Variants in CAPRIN1 observed in about 807,000 individuals in gnomAD.
The protein encoded by CAPRIN1 is caprin-1.
CAPRIN1 carries 29 observed loss-of-function variants against 100.9 expected under a neutral mutation model. The ratio of observed to expected loss-of-function variants is 0.29; its 90% CI spans 0.21 to 0.39. The LOEUF (loss-of-function observed/expected upper bound fraction) is 0.39, where lower values mean the gene tolerates loss of function less well. Among genes scored for constraint, CAPRIN1 ranks in the 10% least tolerant of loss-of-function variants. The pLI, the probability that CAPRIN1 is intolerant of heterozygous loss-of-function variation, is 1.00. For missense variants in CAPRIN1, 795 were observed against 876.7 expected, an observed-to-expected ratio of 0.91 and a Z score of 1.18; for synonymous variants, 338 against 307.5, an observed-to-expected ratio of 1.10 and a Z score of -1.04.
At chr11:34,076,891 C>T (rs1285638885) in intron 6 of CAPRIN1, among the ~76,000 whole-genome samples, 3 of 152,050 alleles carry the variant, frequency 2.0e-5, no homozygotes, top group Non-Finnish European at 2.9e-5. Context: ...TGCGCCACCA[C>T]GCCTGGCTAT....
At chr11:34,062,491 G>C (rs1019183124) in intron 2 of CAPRIN1, among the ~76,000 whole-genome samples, 1 of 152,060 alleles carries the variant, frequency 6.6e-6, no homozygotes, top group African/African-American at 2.4e-5. Context: ...CGGGCGTGGT[G>C]GTGGGCGCCT....
chr11:34,067,802 A>G (rs1257695644), intron 2 of CAPRIN1, among the ~76,000 whole-genome samples: 4 of 152,124 alleles, frequency 2.6e-5, no homozygotes, highest in Non-Finnish European at 5.9e-5. Context: ...CCTGGCCATA[A>G]TGTGTAGATC....
Position 34,089,430 on chromosome 11 carries a change from G to C in CAPRIN1, c.1267G>C (p.Val423Leu). 1 of 1,606,670 alleles carries C rather than the reference G, an allele frequency of 6.2e-7. No individual in the cohort carries two copies. Among genetic ancestry groups the C allele is most frequent in the Non-Finnish European group, 8.5e-7 (1 of 1,174,964 alleles). Residue 423 changes from valine (V) to leucine (L), a missense_variant, in exon 12 of 19, where the codon GTT (valine) becomes CTT (leucine). Physicochemically the swap from Val to Leu is conservative, Grantham distance 32. Coordinates refer to ENST00000341394, the MANE Select transcript of CAPRIN1 (RefSeq NM_005898.5). ...ATCTAGACTTGCTCAGCCTAATCAAGTTCCTGTACAACCAGAAGCGACACA... is the reference window on the plus strand; with the variant it reads ...ATCTAGACTTGCTCAGCCTAATCAACTTCCTGTACAACCAGAAGCGACACA... ...SESRLAQPNQ[V>L]PVQPEATQVP...
At chr11:34,072,567 C>A (rs748194864) in intron 4 of CAPRIN1, among the ~76,000 whole-genome samples, 1 of 152,142 alleles carries the variant, frequency 6.6e-6, no homozygotes, top group Non-Finnish European at 1.5e-5. Context: ...TAATTATTCT[C>A]TGCTTTAGGA....
chr11:34,079,905 G>GTTTTTTTTTTTTTTTT (rs377455073), intron 7 of CAPRIN1, 140 bp downstream of exon 7: 1 of 316,642 alleles, frequency 3.2e-6, no homozygotes, highest in African/African-American at 2.9e-5. Context: ...GCATGACAAA[G>GTTTTTTTTTTTTTTTT]TTTTTTTTTT....
intron 4 of CAPRIN1, among the ~76,000 whole-genome samples, chr11:34,075,013 C>T (rs556955538): frequency 6.6e-6 from 1 of 152,080 alleles, no homozygotes; most frequent in South Asian, 2.1e-4. Context: ...ATAGACCTTG[C>T]CTCAAAAAAC....
chr11:34,076,137 C>T, intron 4 of CAPRIN1, 99 bp from the exon 5 acceptor site: 2 of 745,278 alleles, frequency 2.7e-6, no homozygotes, highest in Admixed American at 2.5e-5. Flanking sequence ...ATATCTCACT[C>T]ATTGAGTAAA....
chr11:34,092,944 C>A (rs1015696440), intron 15 of CAPRIN1, among the ~76,000 whole-genome samples: 3 of 151,994 alleles, frequency 2.0e-5, no homozygotes, highest in African/African-American at 7.2e-5. Context: ...CCTCAAACTC[C>A]TGGGCTCAAT....
At chr11:34,053,588 C>T (rs923944149) in intron 2 of CAPRIN1, 5 of 138,216 alleles carry the variant, frequency 3.6e-5, no homozygotes, top group Non-Finnish European at 6.1e-5. Flanking sequence ...CCTCCTTAGG[C>T]CCCCCTCTAA....
chr11:34,054,333 T>C (rs1327430392), intron 2 of CAPRIN1, among the ~76,000 whole-genome samples: 3 of 152,204 alleles, frequency 2.0e-5, no homozygotes, highest in Non-Finnish European at 4.4e-5. Flanking sequence ...AAGTGTAAGG[T>C]AGCTACATTC....
intron 2 of CAPRIN1, chr11:34,052,843 C>T (rs1850356680): frequency 1.4e-6 from 2 of 1,437,452 alleles, no homozygotes; most frequent in South Asian, 1.5e-5. Flanking sequence ...CACTTGTCAC[C>T]TGACTCGGAC....
At chr11:34,081,828 G>T (rs777434848) in intron 7 of CAPRIN1, among the ~76,000 whole-genome samples, 7 of 148,240 alleles carry the variant, frequency 4.7e-5, no homozygotes, top group Non-Finnish European at 1.1e-4. Context: ...TGGGGGACAG[G>T]GGGCACTGAG....
In CAPRIN1 at chr11:34,069,907, TAAAA is replaced by T. The variant is rs59107049; in HGVS notation, c.217-1804_217-1801del. On this transcript the variant is annotated intron_variant, in intron 2 of 18. Coordinates refer to ENST00000341394, the MANE Select transcript of CAPRIN1 (RefSeq NM_005898.5). ...TACAAAGAAAATAGATCATTTGACCTAAAAAAAAAAAAAAAAAAGAAAAAACAAA... is the reference window on the plus strand; with the variant it reads ...TACAAAGAAAATAGATCATTTGACCTAAAAAAAAAAAAAAGAAAAAACAAA... 1.9e-4 allele frequency among the ~76,000 whole-genome samples: 26 copies of T among 137,952 alleles called. 1 individual carries two copies. The highest frequency in any genetic ancestry group is 6.9e-4 in the South Asian group (3 of 4,334). The allele number at this position is 137,952 out of a possible 152,430, so 90.5% of individuals were successfully genotyped here. A position where few individuals can be genotyped will look rare whatever the true frequency, so the allele number is the denominator to read the frequency against.
At chr11:34,054,875 C>G (rs899754507) in intron 2 of CAPRIN1, among the ~76,000 whole-genome samples, 8 of 151,960 alleles carry the variant, frequency 5.3e-5, no homozygotes, top group African/African-American at 1.9e-4. Flanking sequence ...TGTGTTAATA[C>G]TAATTATGAA....
In CAPRIN1 at chr11:34,088,095, C is replaced by T. The variant is rs923049566; in HGVS notation, c.1232-1300C>T. 5.9e-5 allele frequency among the ~76,000 whole-genome samples: 9 copies of T among 152,132 alleles called. No individual in the cohort carries two copies. The South Asian group carries it at 1.0e-3, about 17-fold the overall frequency. ...TCGGCACGCTGCAACCCCTGCCTCC[C>T]GGGTTCAAGGGATTCTCCTGCCTCA... On this transcript the variant is annotated intron_variant, in intron 11 of 18. Transcript: ENST00000341394.
chr11:34,071,679 A>G (rs1850806541), intron 2 of CAPRIN1, 47 bp from the exon 3 acceptor site: 1 of 1,347,810 alleles, frequency 7.4e-7, no homozygotes, highest in Middle Eastern at 1.8e-4. Flanking sequence ...TTAAGCTGGT[A>G]TATACCTTCA....
intron 9 of CAPRIN1, among the ~76,000 whole-genome samples, chr11:34,085,649 C>T (rs998337333): frequency 6.6e-6 from 1 of 151,930 alleles, no homozygotes; most frequent in African/African-American, 2.4e-5. Flanking sequence ...GCTAAAAATA[C>T]AAAAATTAGC....
intron 6 of CAPRIN1, 23 bp from the exon 7 acceptor site, chr11:34,079,605 A>T (rs562545640): frequency 6.2e-7 from 1 of 1,606,344 alleles, no homozygotes; most frequent in Non-Finnish European, 8.5e-7. Flanking sequence ...GTCTTACATT[A>T]TAATTCATGT....
chr11:34,089,398 A>T lies in CAPRIN1; in HGVS notation c.1235A>T (p.His412Leu), dbSNP rs1436484265. 1.9e-6 allele frequency: 3 copies of T among 1,603,534 alleles called. No individual in the cohort carries two copies. The highest frequency in any genetic ancestry group is 2.6e-6 in the Non-Finnish European group (3 of 1,173,392). Residue 412 changes from histidine to leucine, a missense_variant, in exon 12 of 19, where the codon CAT (histidine) becomes CTT (leucine). Coordinates refer to ENST00000341394, the MANE Select transcript of CAPRIN1 (RefSeq NM_005898.5). ...DMPQLVCPPV[H>L]SESRLAQPNQ... The stretch of plus-strand genomic sequence containing the variant: ...AATGTTTTGGTCACCTTTGCAGTTC[A>T]TTCTGAATCTAGACTTGCTCAGCCT...
Sources: gnomAD v4.1 joint callset for allele counts (sites outside exome capture counted in the v4.1 genomes callset) on GRCh38, gnomAD v4.1.1 for gene constraint, MANE v1.5 for transcripts, NCBI Gene and HGNC (gene_info 2026-07-23, HGNC 2026-07-21) for gene names.